Variants in GRM7 observed in about 807,000 individuals in gnomAD.
GRM7 encodes the protein glutamate metabotropic receptor 7.
GRM7 carries 35 observed loss-of-function variants against 84.5 expected under a neutral mutation model. The ratio of observed to expected loss-of-function variants is 0.41; its 90% CI spans 0.32 to 0.55. GRM7 has a LOEUF of 0.55. Ranked by LOEUF, GRM7 falls within the 20% of genes least tolerant of loss-of-function variation. GRM7 has a pLI of 0.19. For synonymous variants in GRM7, 487 were observed against 455.1 expected, an observed-to-expected ratio of 1.07 and a Z score of -0.89; for missense variants, 1,003 against 1,194.6, an observed-to-expected ratio of 0.84 and a Z score of 2.36.
intron 3 of GRM7, among the ~76,000 whole-genome samples, chr3:7,301,532 A>G (rs1700001182): frequency 6.6e-6 from 1 of 152,172 alleles, no homozygotes; most frequent in African/African-American, 2.4e-5. Flanking sequence ...CACATAAAAG[A>G]TGTATGGCAA....
At chr3:7,582,521 G>C (rs992820847) in intron 8 of GRM7, among the ~76,000 whole-genome samples, 2 of 152,164 alleles carry the variant, frequency 1.3e-5, no homozygotes, top group East Asian at 3.9e-4. Flanking sequence ...TAGGAGGACC[G>C]TGAGAAGAGG....
chr3:7,049,596 A>T (rs1423691495), intron 1 of GRM7, among the ~76,000 whole-genome samples: 1 of 151,976 alleles, frequency 6.6e-6, no homozygotes, highest in African/African-American at 2.4e-5. Context: ...GGCAGCTATT[A>T]ACAAAACATT....
chr3:7,526,880 C>T (rs534755891), intron 7 of GRM7, among the ~76,000 whole-genome samples: 1 of 151,792 alleles, frequency 6.6e-6, no homozygotes, highest in Non-Finnish European at 1.5e-5. Flanking sequence ...GTTTTATTGG[C>T]TTATGTGCAT....
At chr3:7,298,861 T>C in intron 3 of GRM7, 36 bp downstream of exon 3, 1 of 1,577,856 alleles carries the variant, frequency 6.3e-7, no homozygotes, top group South Asian at 1.1e-5. Context: ...AATATGCATG[T>C]TGCAATTTTA....
intron 7 of GRM7, among the ~76,000 whole-genome samples, chr3:7,462,347 C>A (rs187542126): frequency 9.2e-5 from 14 of 152,262 alleles, no homozygotes; most frequent in African/African-American, 3.4e-4. Flanking sequence ...TAAGACTCAT[C>A]CACATTGGGG....
At chr3:7,202,000 A>AT (rs917293251) in intron 2 of GRM7, among the ~76,000 whole-genome samples, 40 of 150,358 alleles carry the variant, frequency 2.7e-4, no homozygotes, top group Admixed American at 1.4e-3. Flanking sequence ...CATTACCAGC[A>AT]TTTTTTTTTC....
At chr3:7,730,580 T>A (rs1175632839) in intron 9 of GRM7, among the ~76,000 whole-genome samples, 1 of 152,216 alleles carries the variant, frequency 6.6e-6, no homozygotes, top group African/African-American at 2.4e-5. Flanking sequence ...AAAAGTTCAA[T>A]AAATGTATAA....
intron 1 of GRM7, among the ~76,000 whole-genome samples, chr3:6,890,111 A>G (rs897938989): frequency 1.3e-5 from 2 of 150,816 alleles, no homozygotes; most frequent in African/African-American, 4.9e-5. Context: ...CGTCTATTTG[A>G]TTCTTCTCTC....
At chr3:7,518,728 T>C (rs1202895563) in intron 7 of GRM7, among the ~76,000 whole-genome samples, 3 of 152,162 alleles carry the variant, frequency 2.0e-5, no homozygotes, top group African/African-American at 4.8e-5. Context: ...CCATAGCTGC[T>C]CAAATAGAAA....
At chr3:7,419,281 T>C (rs573992851) in intron 5 of GRM7, among the ~76,000 whole-genome samples, 14 of 152,270 alleles carry the variant, frequency 9.2e-5, no homozygotes, top group Middle Eastern at 3.4e-3. Context: ...TTAAGAAATT[T>C]CGGTGCTTTA....
At chr3:7,559,603 G>C (rs1394778550) in intron 7 of GRM7, among the ~76,000 whole-genome samples, 1 of 152,056 alleles carries the variant, frequency 6.6e-6, no homozygotes, top group East Asian at 1.9e-4. Flanking sequence ...CTGGCCAAAA[G>C]AGCATTGCTT....
chr3:7,269,557 G>A (rs1698777616), intron 2 of GRM7, among the ~76,000 whole-genome samples: 1 of 152,170 alleles, frequency 6.6e-6, no homozygotes, highest in South Asian at 2.1e-4. Flanking sequence ...CTATTACTCT[G>A]AAGGGCCATG....
At chr3:7,472,749 G>C (rs1157307101) in intron 7 of GRM7, among the ~76,000 whole-genome samples, 1 of 152,164 alleles carries the variant, frequency 6.6e-6, no homozygotes, top group Non-Finnish European at 1.5e-5. Context: ...CTCTCTTCCT[G>C]ATCCCACCTT....
chr3:7,671,254 A>C (rs553519784), intron 8 of GRM7, among the ~76,000 whole-genome samples: 74 of 152,280 alleles, frequency 4.9e-4, no homozygotes, highest in African/African-American at 1.5e-3. Context: ...TTGGCCACCA[A>C]GACGGTCTGC....
chr3:7,589,026 G>A (rs553229802), intron 8 of GRM7, among the ~76,000 whole-genome samples: 13 of 152,290 alleles, frequency 8.5e-5, no homozygotes, highest in East Asian at 1.9e-4. Context: ...TTAGGCTGGC[G>A]AAATCTGCCT....
intron 7 of GRM7, among the ~76,000 whole-genome samples, chr3:7,522,649 A>G (rs990248074): frequency 2.0e-5 from 3 of 152,166 alleles, no homozygotes; most frequent in African/African-American, 7.2e-5. Context: ...CTTCGTCTCA[A>G]GTTCATTTCT....
chr3:7,430,713 C>G (rs80022561), intron 5 of GRM7, among the ~76,000 whole-genome samples: 3,012 of 152,286 alleles, frequency 0.02, 105 homozygotes, highest in African/African-American at 0.069. Context: ...CCATTGGCCT[C>G]TCTTGTTTCT....
chr3:7,639,758 G>A (rs1334883380), intron 8 of GRM7, among the ~76,000 whole-genome samples: 1 of 152,094 alleles, frequency 6.6e-6, no homozygotes, highest in Non-Finnish European at 1.5e-5. Context: ...TCTTAAATGT[G>A]TTTGGGATAC....
intron 7 of GRM7, among the ~76,000 whole-genome samples, chr3:7,556,693 T>C (rs183915330): frequency 5.9e-5 from 9 of 152,330 alleles, no homozygotes; most frequent in African/African-American, 1.9e-4. Context: ...TGTTCTCTCA[T>C]GTACAGTATG....
Sources: allele counts gnomAD v4.1 joint callset (sites outside exome capture counted in the v4.1 genomes callset), GRCh38; gene constraint gnomAD v4.1.1; transcripts MANE v1.5; gene names NCBI Gene and HGNC (gene_info 2026-07-23, HGNC 2026-07-21).